Variants in TAOK1 observed in about 807,000 individuals in gnomAD.
The protein encoded by TAOK1 is serine/threonine-protein kinase TAO1.
Under a neutral mutation model 138.3 loss-of-function variants are expected in TAOK1, and 21 were observed. That is an observed-to-expected ratio of 0.15 (90% CI 0.11 to 0.22). TAOK1 has a LOEUF of 0.22. TAOK1 is among the 10% of genes least tolerant of loss of function. The pLI, the probability that TAOK1 is intolerant of heterozygous loss-of-function variation, is 1.00. For synonymous variants in TAOK1, 361 were observed against 398.4 expected (o/e 0.91, Z 1.12); for missense variants, 651 against 1,227.7 (o/e 0.53, Z 7.02).
chr17:29,511,028 T>C, intron 15 of TAOK1, 36 bp downstream of exon 15: 1 of 1,564,802 alleles, frequency 6.4e-7, no homozygotes, highest in Non-Finnish European at 8.6e-7. Context: ...GCAAATTTTC[T>C]GCTTATTAAT....
intron 9 of TAOK1, among the ~76,000 whole-genome samples, 200 bp downstream of exon 9, chr17:29,489,957 A>G (rs2031263346): frequency 1.3e-5 from 2 of 152,104 alleles, no homozygotes; most frequent in Non-Finnish European, 2.9e-5. Context: ...CTGAGTTCAG[A>G]AAAGGATGGA....
chr17:29,458,740 G>T (rs1260908037), intron 2 of TAOK1, among the ~76,000 whole-genome samples: 1 of 152,002 alleles, frequency 6.6e-6, no homozygotes, highest in African/African-American at 2.4e-5. Context: ...TTTTGCCCAG[G>T]CTGGAATGCA....
At chr17:29,435,135 C>T (rs60170945) in intron 1 of TAOK1, among the ~76,000 whole-genome samples, 36,694 of 151,836 alleles carry the variant, frequency 0.24, 5,019 homozygotes, top group East Asian at 0.65. Context: ...AGGATAATTG[C>T]TCAGAACTAG....
At chr17:29,495,857 A>G (rs2031402459) in intron 11 of TAOK1, 130 bp downstream of exon 11, 3 of 718,616 alleles carry the variant, frequency 4.2e-6, no homozygotes, top group Admixed American at 7.2e-5. Context: ...CACTGGTCCT[A>G]TAAAATCCCA....
rs189682181 is a variant in TAOK1 at position 29,538,373 on chromosome 17, T to C, written c.2544+4073T>C. On this transcript the variant is annotated intron_variant, in intron 19 of 19. Transcript: ENST00000261716. ...GAAAAATGCATACAATTATTTAGTA[T>C]TTAAAAGAGTAAAAGAACAATAGGA... 1.3e-4 allele frequency among the ~76,000 whole-genome samples: 20 copies of C among 152,302 alleles called. No individual in the cohort carries two copies. In the East Asian group the frequency reaches 3.9e-3, roughly 29 times the overall value.
At position 29,542,749 on chromosome 17, in the gene TAOK1, A is replaced by T. The variant is rs1403970973; in HGVS notation, c.2733A>T (p.Ser911=). The change falls in exon 20 of 20, where the codon TCA becomes TCT. Residue 911 remains serine (S), a synonymous_variant. Coordinates refer to ENST00000261716, the MANE Select transcript of TAOK1 (RefSeq NM_020791.4). ...SHSYPGASGW[S]HNPTGGPGPH... is the part of the protein sequence containing the mutation. ...GCTACCCGGGAGCTTCTGGTTGGTC[A>T]CACAACCCTACTGGGGGTCCAGGAC... 1 of 1,614,232 alleles carries T rather than the reference A, an allele frequency of 6.2e-7. No homozygotes were observed. The highest frequency in any genetic ancestry group is 2.2e-5 in the East Asian group (1 of 44,882).
intron 1 of TAOK1, among the ~76,000 whole-genome samples, chr17:29,426,133 G>C (rs1470230403): frequency 3.3e-5 from 5 of 152,166 alleles, no homozygotes; most frequent in Non-Finnish European, 5.9e-5. Flanking sequence ...ACCTGCCTCA[G>C]CCTCCCAAAG....
chr17:29,396,681 A>G (rs1904610620), intron 1 of TAOK1, among the ~76,000 whole-genome samples: 1 of 152,224 alleles, frequency 6.6e-6, no homozygotes, highest in South Asian at 2.1e-4. Flanking sequence ...TGCAGCTACC[A>G]ATAATAAAAT....
At chr17:29,512,792 C>G (rs1334077417) in intron 15 of TAOK1, 2 of 152,144 alleles carry the variant, frequency 1.3e-5, no homozygotes, top group South Asian at 4.1e-4. Flanking sequence ...ACACCATTCT[C>G]CTGCCTCCGG....
intron 2 of TAOK1, among the ~76,000 whole-genome samples, chr17:29,461,797 A>G (rs1055007400): frequency 4.6e-5 from 7 of 151,946 alleles, no homozygotes; most frequent in East Asian, 1.9e-4. Flanking sequence ...AAACTCTCCA[A>G]TTCAGGTTAG....
chr17:29,401,163 C>T (rs531781518), intron 1 of TAOK1, among the ~76,000 whole-genome samples: 20 of 152,164 alleles, frequency 1.3e-4, no homozygotes, highest in African/African-American at 4.8e-4. Flanking sequence ...TATCCTCTTG[C>T]CTTGGCCTCC....
intron 2 of TAOK1, among the ~76,000 whole-genome samples, chr17:29,465,115 C>T (rs2030627904): frequency 1.4e-5 from 2 of 145,198 alleles, no homozygotes; most frequent in Non-Finnish European, 3.0e-5. Flanking sequence ...GCCACCATGC[C>T]TGGTCTTATT....
intron 19 of TAOK1, among the ~76,000 whole-genome samples, chr17:29,540,658 C>T (rs541861919): frequency 6.6e-6 from 1 of 152,304 alleles, no homozygotes; most frequent in Admixed American, 6.5e-5. Flanking sequence ...GCAACCTCCG[C>T]CTCCTAGGTT....
At chr17:29,508,539 G>A (rs891649308) in intron 14 of TAOK1, among the ~76,000 whole-genome samples, 19 of 152,154 alleles carry the variant, frequency 1.2e-4, no homozygotes, top group African/African-American at 4.6e-4. Context: ...CAATAGGTAA[G>A]TTACTCAGTT....
At position 29,548,822 on chromosome 17, in the gene TAOK1, C is replaced by T. The variant is rs1280039802; in HGVS notation, c.*5800C>T. On this transcript the variant is annotated 3_prime_UTR_variant, in exon 20 of 20. Transcript: ENST00000261716. ...AGTTGCTGTCATTACCAGTTGTGGT[C>T]CTAGCATCTAACCCTGAAACCATCC... 2 of 152,072 alleles carry T rather than the reference C, an allele frequency of 1.3e-5. No individual in the cohort carries two copies. The highest frequency in any genetic ancestry group is 2.9e-5 in the Non-Finnish European group (2 of 67,980). The allele number at this position is 152,072 out of a possible 1,614,324, so 9.4% of individuals were successfully genotyped here.
chr17:29,430,971 A>C (rs916297554), intron 1 of TAOK1, among the ~76,000 whole-genome samples: 2 of 152,106 alleles, frequency 1.3e-5, no homozygotes, highest in African/African-American at 2.4e-5. Flanking sequence ...GGGGAAATGA[A>C]ATTGATTAAA....
At chr17:29,540,561 TTTTG>T (rs1007367563) in intron 19 of TAOK1, among the ~76,000 whole-genome samples, 2 of 151,764 alleles carry the variant, frequency 1.3e-5, no homozygotes, top group African/African-American at 4.8e-5. Context: ...GTTGTTTGTT[TTTTG>T]TTTTTGTTTT....
At chr17:29,463,281 T>C (rs1305930957) in intron 2 of TAOK1, among the ~76,000 whole-genome samples, 1 of 152,136 alleles carries the variant, frequency 6.6e-6, no homozygotes, top group East Asian at 1.9e-4. Flanking sequence ...ATACAAAAAT[T>C]AACCCAGGCC....
chr17:29,496,272 T>C (rs562859088), intron 11 of TAOK1, among the ~76,000 whole-genome samples: 1 of 151,714 alleles, frequency 6.6e-6, no homozygotes, highest in South Asian at 2.1e-4. Context: ...GACTAATTTT[T>C]ATTTTATTTT....
Sources: gnomAD v4.1 joint callset for allele counts (sites outside exome capture counted in the v4.1 genomes callset) on GRCh38, gnomAD v4.1.1 for gene constraint, MANE v1.5 for transcripts, NCBI Gene and HGNC (gene_info 2026-07-23, HGNC 2026-07-21) for gene names.